DSCAM: variants seen among roughly 807,000 people sequenced by gnomAD.
DSCAM encodes DS cell adhesion molecule.
DSCAM carries 47 observed loss-of-function variants against 217.7 expected under a neutral mutation model. The observed-to-expected ratio is 0.22, with a 90% CI of 0.17 to 0.28. DSCAM has a LOEUF of 0.28. Among genes scored for constraint, DSCAM ranks in the 10% least tolerant of loss-of-function variants. DSCAM has a pLI of 1.00. For synonymous variants in DSCAM, 1,056 were observed against 1,015.3 expected (o/e 1.04, Z -0.76); for missense variants, 2,080 against 2,618.3 (o/e 0.79, Z 4.49).
At chr21:40,156,039 A>C (rs2090472860) in intron 16 of DSCAM, among the ~76,000 whole-genome samples, 1 of 148,664 alleles carries the variant, frequency 6.7e-6, no homozygotes, top group Non-Finnish European at 1.5e-5. Flanking sequence ...AACTGCCTCC[A>C]TTTCCCTCCC....
At position 40,144,469 on chromosome 21, in the gene DSCAM, AC is replaced by A. The variant is rs2090331028; in HGVS notation, c.3259+21del. The A allele has an allele frequency of 6.2e-7, 1 of 1,612,182 alleles. No individual in the cohort carries two copies. The highest frequency in any genetic ancestry group is 1.7e-5 in the Admixed American group (1 of 60,008). On this transcript the variant is annotated intron_variant, in intron 17 of 32. Coordinates refer to ENST00000400454, the MANE Select transcript of DSCAM (RefSeq NM_001389.5). This position sits in a 1 kb window ranked among gnomAD's most constrained non-coding sequence, Gnocchi z 4.8. ...AACCTTTGCGGAGGGAAAAGCCACG[AC>A]CAGGCCCCGGCCGAACCTACCATCC...
chr21:40,564,589 C>T (rs966265033), intron 3 of DSCAM, among the ~76,000 whole-genome samples: 2 of 152,078 alleles, frequency 1.3e-5, no homozygotes, highest in East Asian at 1.9e-4. Flanking sequence ...ATCCTGCCAA[C>T]CCTGCCTCCT....
At chr21:40,608,000 G>T (rs1473009475) in intron 3 of DSCAM, among the ~76,000 whole-genome samples, 2 of 152,076 alleles carry the variant, frequency 1.3e-5, no homozygotes, top group African/African-American at 4.8e-5. Flanking sequence ...GAGGAAGGGG[G>T]GAGTTTCAGG....
In DSCAM at chr21:40,632,332, G is replaced by A. The variant is rs146707483; in HGVS notation, c.508+60478C>T. Among the ~76,000 whole-genome samples the A allele has an allele frequency of 5.3e-5, 7 of 131,070 alleles. No homozygotes were observed. The East Asian group carries it at 1.6e-3, about 30-fold the overall frequency. 86.0% of individuals were successfully genotyped at this position (131,070 alleles called of 152,430 possible). On this transcript the variant is annotated intron_variant, in intron 3 of 32. Transcript: ENST00000400454. ...AAAAAATGAAGAGGTAGAGAAAGTC[G>A]TTTACAAGAATAAAAGGAAATTGGG...
intron 3 of DSCAM, among the ~76,000 whole-genome samples, chr21:40,410,084 A>G (rs892200733): frequency 6.6e-6 from 1 of 152,208 alleles, no homozygotes; most frequent in African/African-American, 2.4e-5. Context: ...AGGCAAGGAA[A>G]TTAAAACACG....
chr21:40,799,328 A>G (rs1274304476), intron 1 of DSCAM, among the ~76,000 whole-genome samples: 2 of 152,166 alleles, frequency 1.3e-5, no homozygotes, highest in African/African-American at 4.8e-5. Flanking sequence ...TATTGCTGAC[A>G]TTACCTTCCC....
At chr21:40,564,689 G>A (rs771316588) in intron 3 of DSCAM, among the ~76,000 whole-genome samples, 5 of 152,142 alleles carry the variant, frequency 3.3e-5, no homozygotes, top group Admixed American at 2.0e-4. Flanking sequence ...GAATGAGCAC[G>A]TGAAACGGGA....
chr21:40,817,571 A>G (rs555296783), intron 1 of DSCAM, among the ~76,000 whole-genome samples: 1 of 152,264 alleles, frequency 6.6e-6, no homozygotes, highest in Non-Finnish European at 1.5e-5. Flanking sequence ...AAAAGCAGAA[A>G]AGCAAGCGTG....
At chr21:40,692,558 C>T (rs1486886495) in intron 3 of DSCAM, among the ~76,000 whole-genome samples, 1 of 152,198 alleles carries the variant, frequency 6.6e-6, no homozygotes. Flanking sequence ...AAAAAGTTAA[C>T]ACAATGGCTA....
At chr21:40,199,463 G>A (rs1442210414) in intron 11 of DSCAM, among the ~76,000 whole-genome samples, 2 of 152,142 alleles carry the variant, frequency 1.3e-5, no homozygotes, top group African/African-American at 4.8e-5. Context: ...AAACATAAGT[G>A]TGCATGTGTC....
chr21:40,685,806 A>G (rs1258695561), intron 3 of DSCAM, among the ~76,000 whole-genome samples: 1 of 152,210 alleles, frequency 6.6e-6, no homozygotes, highest in Non-Finnish European at 1.5e-5. Flanking sequence ...TAAGAAAGTG[A>G]AAAAATAACT....
intron 10 of DSCAM, among the ~76,000 whole-genome samples, chr21:40,289,742 G>T (rs1458821269): frequency 1.3e-5 from 2 of 152,160 alleles, no homozygotes; most frequent in Non-Finnish European, 2.9e-5. Flanking sequence ...GTAGGGTTTG[G>T]TGCTCCCCAA....
At chr21:40,427,902 AT>A (rs900058413) in intron 3 of DSCAM, among the ~76,000 whole-genome samples, 2 of 152,150 alleles carry the variant, frequency 1.3e-5, no homozygotes, top group Non-Finnish European at 2.9e-5. Flanking sequence ...AGAAAGCCCC[AT>A]TTTTTTAAAG....
At chr21:40,142,975 G>A (rs1300183053) in intron 17 of DSCAM, among the ~76,000 whole-genome samples, 1 of 152,102 alleles carries the variant, frequency 6.6e-6, no homozygotes, top group Non-Finnish European at 1.5e-5. Context: ...GACAGTTGTT[G>A]GGACTTGAGT....
chr21:40,744,312 G>C (rs958041548), intron 1 of DSCAM, among the ~76,000 whole-genome samples: 1 of 152,144 alleles, frequency 6.6e-6, no homozygotes, highest in African/African-American at 2.4e-5. Context: ...AATCAGCAGG[G>C]ATGCAGATGT....
intron 13 of DSCAM, 111 bp from the exon 14 acceptor site, chr21:40,187,370 A>G: frequency 5.2e-6 from 7 of 1,344,844 alleles, no homozygotes; most frequent in Non-Finnish European, 7.0e-6. Flanking sequence ...TTAGACAAGA[A>G]CAGAAGCTTT....
intron 3 of DSCAM, among the ~76,000 whole-genome samples, chr21:40,404,398 G>C (rs937423522): frequency 2.0e-5 from 3 of 152,178 alleles, no homozygotes; most frequent in Non-Finnish European, 2.9e-5. Context: ...CTAAGATCCA[G>C]TCTCTTGACT....
rs567402114 is a variant in DSCAM at position 40,055,817 on chromosome 21, G to A, written c.4943C>T (p.Thr1648Met). ...LMSKNTRTSD[T>M]LSKQQQTLRM... The stretch of plus-strand genomic sequence containing the variant: ...CAGGGTCTGCTGTTGCTTGCTTAAC[G>A]TATCTGAAGTCCGGGTATTCTTACT... The change falls in exon 29 of 33, where the codon ACG (threonine) becomes ATG (methionine). Residue 1648 changes from threonine to methionine, a missense_variant. Transcript: ENST00000400454. 1.1e-5 allele frequency: 18 copies of A among 1,613,542 alleles called. No homozygotes were observed. Among genetic ancestry groups the A allele is most frequent in the East Asian group, 2.2e-5 (1 of 44,862 alleles).
intron 3 of DSCAM, among the ~76,000 whole-genome samples, chr21:40,508,758 TATATATATATATATATATA>T (rs2076232089): frequency 8.1e-4 from 12 of 14,776 alleles, no homozygotes; most frequent in African/African-American, 1.4e-3. Context: ...TATATATATA[TATATATATATATATATATA>T]TATATATTTT....
Sources: gnomAD v4.1 joint callset for allele counts (sites outside exome capture counted in the v4.1 genomes callset) on GRCh38, gnomAD v4.1.1 for gene constraint, Gnocchi (gnomAD v3.1) non-coding constraint, MANE v1.5 for transcripts, NCBI Gene and HGNC (gene_info 2026-07-23, HGNC 2026-07-21) for gene names.